The following MAP3K2 variants were observed in gnomAD, a reference collection of about 807,000 sequenced individuals.
MAP3K2 encodes the protein mitogen-activated protein kinase kinase kinase 2.
In MAP3K2, 24 loss-of-function variants were observed where a neutral mutation model predicts 80.3. The observed-to-expected ratio is 0.30, with a 90% CI of 0.22 to 0.42. MAP3K2 has a LOEUF of 0.42. MAP3K2 is among the 10% of genes least tolerant of loss of function. MAP3K2 has a pLI of 1.00. For missense variants in MAP3K2, 608 were observed against 750.1 expected (o/e 0.81, Z 2.21); for synonymous variants, 244 against 253.7 (o/e 0.96, Z 0.36).
chr2:127,355,031 A>C lies in MAP3K2; in HGVS notation c.-65-11837T>G, dbSNP rs577705785. 4.6e-5 allele frequency among the ~76,000 whole-genome samples: 7 copies of C among 152,306 alleles called. No homozygotes were observed. The South Asian group carries it at 1.4e-3, about 32-fold the overall frequency. ...AAATAAAACCAATAAACAACTACAA[A>C]AAATGAACAGAGCATAAGCAGACAC... On this transcript the variant is annotated intron_variant, in intron 1 of 16. Coordinates refer to ENST00000682094, the MANE Select transcript of MAP3K2 (RefSeq NM_001371910.2).
Position 127,387,967 on chromosome 2 carries a change from A to C in MAP3K2, c.-581T>G. Reference sequence around the variant, plus strand: ...GCAGCCCGGCAGCCACTACACACGGACCCGTGACGTCGGGCGTAGCGCGGC... The same window carrying C: ...GCAGCCCGGCAGCCACTACACACGGCCCCGTGACGTCGGGCGTAGCGCGGC... On this transcript the variant is annotated 5_prime_UTR_variant, in exon 1 of 17. Coordinates refer to ENST00000682094, the MANE Select transcript of MAP3K2 (RefSeq NM_001371910.2). The C allele has an allele frequency of 1.0e-6, 1 of 983,960 alleles. No individual in the cohort carries two copies. Among genetic ancestry groups the C allele is most frequent in the Non-Finnish European group, 1.2e-6 (1 of 829,518 alleles). The allele number at this position is 983,960 out of a possible 1,614,324, so 61.0% of individuals were successfully genotyped here.
intron 1 of MAP3K2, among the ~76,000 whole-genome samples, chr2:127,375,596 G>C (rs980176631): frequency 1.3e-5 from 2 of 151,964 alleles, no homozygotes; most frequent in African/African-American, 4.8e-5. Context: ...TTTTAGTAGA[G>C]ATGGGGTTTC....
intron 1 of MAP3K2, among the ~76,000 whole-genome samples, chr2:127,376,294 G>T (rs908318242): frequency 7.0e-6 from 1 of 142,736 alleles, no homozygotes; most frequent in South Asian, 2.3e-4. Context: ...AATCATCCAC[G>T]TGCAGGACTA....
At chr2:127,385,864 A>T (rs1687335743) in intron 1 of MAP3K2, among the ~76,000 whole-genome samples, 1 of 152,238 alleles carries the variant, frequency 6.6e-6, no homozygotes, top group African/African-American at 2.4e-5. Context: ...CCCCTAAAAC[A>T]TTGCTTATAA....
intron 7 of MAP3K2, among the ~76,000 whole-genome samples, chr2:127,327,968 G>C (rs1285006647): frequency 6.6e-6 from 1 of 152,014 alleles, no homozygotes; most frequent in Non-Finnish European, 1.5e-5. Flanking sequence ...AGCTTGTTTT[G>C]TCTAATGCAA....
intron 7 of MAP3K2, among the ~76,000 whole-genome samples, chr2:127,329,382 G>C (rs1380683959): frequency 6.8e-6 from 1 of 146,184 alleles, no homozygotes; most frequent in African/African-American, 2.5e-5. Flanking sequence ...TTTTGAGATG[G>C]AGTCTTGCTT....
rs749542882 is a variant in MAP3K2, at chr2:127,339,073, A to G, written c.5-23T>C. 1.5e-6 allele frequency: 2 copies of G among 1,378,090 alleles called. No homozygotes were observed. Among genetic ancestry groups the G allele is most frequent in the Non-Finnish European group, 1.0e-6 (1 of 977,988 alleles). 85.4% of individuals were successfully genotyped at this position (1,378,090 alleles called of 1,614,324 possible). A position where few individuals can be genotyped will look rare whatever the true frequency, so the allele number is the denominator to read the frequency against. ...CATCTAGGTAGTTTTGAAACAACAC[A>G]TACATAGAATTGTAATTGTGACATA... On this transcript the variant is annotated intron_variant, in intron 2 of 16. Coordinates refer to ENST00000682094, the MANE Select transcript of MAP3K2 (RefSeq NM_001371910.2). The surrounding 1 kb of genome is among the most constrained non-coding windows in gnomAD (Gnocchi z 4.2).
At chr2:127,333,301 C>T (rs984489643) in intron 5 of MAP3K2, among the ~76,000 whole-genome samples, 2 of 151,464 alleles carry the variant, frequency 1.3e-5, no homozygotes, top group African/African-American at 4.9e-5. Flanking sequence ...CACACACACA[C>T]ACACCCCTTA....
intron 5 of MAP3K2, 150 bp from the exon 6 acceptor site, chr2:127,330,655 T>C (rs12996685): frequency 2.3e-6 from 1 of 444,358 alleles, no homozygotes; most frequent in Non-Finnish European, 4.0e-6. Context: ...GTGTATATTG[T>C]TTTGCCCTCC....
At chr2:127,368,819 C>G (rs1296150681) in intron 1 of MAP3K2, among the ~76,000 whole-genome samples, 1 of 151,550 alleles carries the variant, frequency 6.6e-6, no homozygotes, top group East Asian at 1.9e-4. Context: ...TGATGTTGCC[C>G]AGGTTGGCCT....
intron 1 of MAP3K2, among the ~76,000 whole-genome samples, chr2:127,354,029 A>T (rs1686753194): frequency 6.6e-6 from 1 of 152,024 alleles, no homozygotes; most frequent in South Asian, 2.1e-4. Flanking sequence ...TTTGTTAAAC[A>T]GATGCTTGAA....
At chr2:127,372,314 G>A (rs1013776142) in intron 1 of MAP3K2, among the ~76,000 whole-genome samples, 4 of 152,126 alleles carry the variant, frequency 2.6e-5, no homozygotes, top group African/African-American at 9.7e-5. Flanking sequence ...TGCCCAGAAA[G>A]GGGGAAAGGG....
In MAP3K2 at chr2:127,387,925, G is replaced by A. The variant is rs1199328562; in HGVS notation, c.-539C>T. 2.4e-5 allele frequency: 24 copies of A among 984,720 alleles called. No individual in the cohort carries two copies. In the South Asian group the frequency reaches 9.4e-4, roughly 39 times the overall value. 61.0% of individuals were successfully genotyped at this position (984,720 alleles called of 1,614,324 possible). ...AGCGGCCGCGGCACCCTCGTCAGGCGCCGCCGCTGAGGGCAGGCAGCCCGG... is the reference window on the plus strand; with the variant it reads ...AGCGGCCGCGGCACCCTCGTCAGGCACCGCCGCTGAGGGCAGGCAGCCCGG... On this transcript the variant is annotated 5_prime_UTR_variant, in exon 1 of 17. Transcript: ENST00000682094.
At chr2:127,350,653 C>A (rs1686677483) in intron 1 of MAP3K2, among the ~76,000 whole-genome samples, 1 of 151,842 alleles carries the variant, frequency 6.6e-6, no homozygotes, top group Non-Finnish European at 1.5e-5. Context: ...GAAAAATCAA[C>A]AAATGCTAAA....
Position 127,381,918 on chromosome 2 carries a change from C to T in MAP3K2, c.-66+5534G>A, listed in dbSNP as rs1041222378. 5.6e-4 allele frequency among the ~76,000 whole-genome samples: 28 copies of T among 50,432 alleles called. 1 individual carries two copies. Among genetic ancestry groups the T allele is most frequent in the African/African-American group, 1.5e-3 (27 of 17,816 alleles). The allele number at this position is 50,432 out of a possible 152,430, so 33.1% of individuals were successfully genotyped here. On this transcript the variant is annotated intron_variant, in intron 1 of 16. Coordinates refer to ENST00000682094, the MANE Select transcript of MAP3K2 (RefSeq NM_001371910.2). Reference sequence around the variant, plus strand: ...AGGAACAAGCTAAACAATGCTATGACGGGGGGAGGGGGGTGGAATCTGACA... The same window carrying T: ...AGGAACAAGCTAAACAATGCTATGATGGGGGGAGGGGGGTGGAATCTGACA...
chr2:127,350,792 A>G (rs1326876366), intron 1 of MAP3K2, among the ~76,000 whole-genome samples: 1 of 151,720 alleles, frequency 6.6e-6, no homozygotes, highest in Non-Finnish European at 1.5e-5. Context: ...AAGCCAGCAG[A>G]CAAAAAAAAA....
At chr2:127,387,421 CAA>C (rs991336144) in intron 1 of MAP3K2, 29 bp downstream of exon 1, 17 of 970,008 alleles carry the variant, frequency 1.8e-5, no homozygotes, top group African/African-American at 1.2e-4. Context: ...CACACACACA[CAA>C]GCGCGCGCGC....
At chr2:127,377,697 A>T (rs189867853) in intron 1 of MAP3K2, among the ~76,000 whole-genome samples, 1 of 152,350 alleles carries the variant, frequency 6.6e-6, no homozygotes, top group African/African-American at 2.4e-5. Flanking sequence ...ACAATCAAAT[A>T]TTATCTCTGC....
chr2:127,313,161 C>CA (rs1201892832), intron 15 of MAP3K2, among the ~76,000 whole-genome samples: 1 of 152,086 alleles, frequency 6.6e-6, no homozygotes, highest in African/African-American at 2.4e-5. Context: ...AGCTTACTTC[C>CA]AGCCTTCTCT....
Sources: gnomAD v4.1 joint callset for allele counts (sites outside exome capture counted in the v4.1 genomes callset) on GRCh38, gnomAD v4.1.1 for gene constraint, Gnocchi (gnomAD v3.1) non-coding constraint, MANE v1.5 for transcripts, NCBI Gene and HGNC (gene_info 2026-07-23, HGNC 2026-07-21) for gene names.